The following SRGAP1 variants were observed in gnomAD, a reference collection of about 807,000 sequenced individuals.
The protein encoded by SRGAP1 is SLIT-ROBO Rho GTPase-activating protein 1.
SRGAP1 carries 43 observed loss-of-function variants against 121.9 expected under a neutral mutation model. That is an observed-to-expected ratio of 0.35 (90% confidence interval 0.28 to 0.46). The LOEUF (loss-of-function observed/expected upper bound fraction) is 0.46. Ranked by LOEUF, SRGAP1 falls within the 20% of genes least tolerant of loss-of-function variation. SRGAP1 has a pLI of 1.00. For synonymous variants in SRGAP1, 447 were observed against 485.4 expected, an observed-to-expected ratio of 0.92 and a Z score of 1.04; for missense variants, 1,102 against 1,350.9, an observed-to-expected ratio of 0.82 and a Z score of 2.89.
intron 1 of SRGAP1, among the ~76,000 whole-genome samples, chr12:63,959,544 A>G (rs1260115627): frequency 6.6e-6 from 1 of 152,192 alleles, no homozygotes; most frequent in Non-Finnish European, 1.5e-5. Context: ...ATTTGCTGAT[A>G]ACGTTTCTTT....
intron 7 of SRGAP1, among the ~76,000 whole-genome samples, chr12:64,064,102 A>G (rs2035497035): frequency 6.6e-6 from 1 of 152,086 alleles, no homozygotes; most frequent in South Asian, 2.1e-4. Flanking sequence ...TGCTGTTTTA[A>G]TTTTTCAGCT....
chr12:64,071,516 G>A (rs1306863869), intron 8 of SRGAP1, among the ~76,000 whole-genome samples: 1 of 152,204 alleles, frequency 6.6e-6, no homozygotes, highest in Non-Finnish European at 1.5e-5. Flanking sequence ...TCCACCGTAG[G>A]TGGAAATATA....
rs2034053085 is a variant in SRGAP1 at position 64,005,526 on chromosome 12, GT to G, written c.427-11423del. On this transcript the variant is annotated intron_variant, in intron 3 of 21. Coordinates refer to ENST00000355086, the MANE Select transcript of SRGAP1 (RefSeq NM_020762.4). Reference sequence around the variant, plus strand: ...CTGGGCATGGTGGTGTACATCTGTAGTCCCACCTACTTGGGAGGCAGAGGCA... The same window carrying G: ...CTGGGCATGGTGGTGTACATCTGTAGCCCACCTACTTGGGAGGCAGAGGCA... 3.9e-5 allele frequency among the ~76,000 whole-genome samples: 6 copies of G among 152,158 alleles called. No homozygotes were observed. In the South Asian group the frequency reaches 1.2e-3, roughly 32 times the overall value.
chr12:63,869,633 T>G (rs1441377843), intron 1 of SRGAP1, among the ~76,000 whole-genome samples: 1 of 152,252 alleles, frequency 6.6e-6, no homozygotes, highest in East Asian at 1.9e-4. Context: ...CACTATGTCA[T>G]TAAAGCCTTT....
chr12:63,921,733 T>A (rs1195327553), intron 1 of SRGAP1, among the ~76,000 whole-genome samples: 2 of 152,234 alleles, frequency 1.3e-5, no homozygotes, highest in Non-Finnish European at 1.5e-5. Context: ...TGATCTGTGA[T>A]CATGCCTGGT....
intron 1 of SRGAP1, among the ~76,000 whole-genome samples, chr12:63,875,444 T>C (rs1382682159): frequency 6.6e-6 from 1 of 152,220 alleles, no homozygotes; most frequent in East Asian, 1.9e-4. Flanking sequence ...AATGCTGAAA[T>C]GTATGTAAAC....
At chr12:64,032,518 C>G (rs1593062127) in intron 4 of SRGAP1, 6 of 1,209,354 alleles carry the variant, frequency 5.0e-6, no homozygotes. Context: ...TGGAGCAGGC[C>G]TGGGCCAGCA....
At chr12:63,977,240 T>C (rs955359506) in intron 1 of SRGAP1, among the ~76,000 whole-genome samples, 2 of 152,180 alleles carry the variant, frequency 1.3e-5, no homozygotes, top group Admixed American at 1.3e-4. Flanking sequence ...TTTCAGTGGC[T>C]CTCCCCTGTC....
chr12:63,990,116 C>T lies in SRGAP1; in HGVS notation c.426+44C>T, dbSNP rs1183943047. On this transcript the variant is annotated intron_variant, in intron 3 of 21. Transcript: ENST00000355086. ...GCCATAGTGTGCTTTCCAATAACTG[C>T]CTTGTCTATAACCAGGACTGAGAAC... 4.7e-6 allele frequency: 7 copies of T among 1,484,898 alleles called. No individual in the cohort carries two copies. In the East Asian group the frequency reaches 1.6e-4, roughly 34 times the overall value. 92.0% of individuals were successfully genotyped at this position (1,484,898 alleles called of 1,614,324 possible).
chr12:63,973,859 A>G (rs1017638057), intron 1 of SRGAP1, among the ~76,000 whole-genome samples: 2 of 152,186 alleles, frequency 1.3e-5, no homozygotes, highest in Admixed American at 1.3e-4. Flanking sequence ...ATGAAACTTC[A>G]TGTTGAATTG....
intron 12 of SRGAP1, among the ~76,000 whole-genome samples, chr12:64,094,348 T>G (rs1308226476): frequency 6.6e-6 from 1 of 152,238 alleles, no homozygotes; most frequent in East Asian, 1.9e-4. Flanking sequence ...AAATCTGCGA[T>G]ATACAGTTGT....
At chr12:63,900,249 A>G (rs1243080031) in intron 1 of SRGAP1, among the ~76,000 whole-genome samples, 1 of 119,390 alleles carries the variant, frequency 8.4e-6, no homozygotes, top group East Asian at 2.4e-4. Flanking sequence ...TCTTTCACCC[A>G]GGCTGGAGTG....
Position 64,062,993 on chromosome 12 carries a change from C to G in SRGAP1, c.878C>G (p.Thr293Ser). The G allele has an allele frequency of 6.2e-7, 1 of 1,614,004 alleles. No individual in the cohort carries two copies. The highest frequency in any genetic ancestry group is 1.3e-5 in the African/African-American group (1 of 75,022). ...CTGTCTGCGGAGTACAACCTTGAAA[C>G]CTCCAGACATGAGGGCTTAGACATT... ...TYLSAEYNLE[T>S]SRHEGLDIIE... The change falls in exon 7 of 22, where the codon ACC (threonine) becomes AGC (serine). Residue 293 changes from threonine to serine, a missense_variant. By Grantham distance (58) the Thr-to-Ser change is moderately conservative. Transcript: ENST00000355086.
intron 1 of SRGAP1, among the ~76,000 whole-genome samples, chr12:63,972,050 C>G (rs1411596798): frequency 6.6e-6 from 1 of 152,118 alleles, no homozygotes; most frequent in African/African-American, 2.4e-5. Context: ...CAATAGAAAT[C>G]CAATCAAAGT....
intron 1 of SRGAP1, among the ~76,000 whole-genome samples, chr12:63,873,533 CA>C (rs1337537568): frequency 2.4e-3 from 120 of 49,450 alleles, no homozygotes; most frequent in East Asian, 6.9e-3. Flanking sequence ...AAATCCGTCT[CA>C]AAAAAAAAAA....
intron 1 of SRGAP1, among the ~76,000 whole-genome samples, chr12:63,964,764 A>T (rs1298756132): frequency 1.3e-5 from 2 of 152,232 alleles, no homozygotes. Context: ...GACTAACTGT[A>T]TTAAAATGAT....
intron 1 of SRGAP1, among the ~76,000 whole-genome samples, chr12:63,940,855 A>C (rs1473780253): frequency 2.0e-5 from 3 of 152,210 alleles, no homozygotes; most frequent in Non-Finnish European, 4.4e-5. Context: ...CCTATGAATT[A>C]TGCATCATCG....
At chr12:64,085,831 A>C (rs1365877598) in intron 10 of SRGAP1, among the ~76,000 whole-genome samples, 1 of 152,216 alleles carries the variant, frequency 6.6e-6, no homozygotes, top group African/African-American at 2.4e-5. Context: ...CCTTCCCTTC[A>C]TCCCCACTTC....
chr12:63,993,247 T>A (rs979803556), intron 3 of SRGAP1, among the ~76,000 whole-genome samples: 4 of 152,216 alleles, frequency 2.6e-5, no homozygotes, highest in Non-Finnish European at 4.4e-5. Flanking sequence ...GCAATTTTTT[T>A]AATTTTTACA....
Sources: allele counts gnomAD v4.1 joint callset (sites outside exome capture counted in the v4.1 genomes callset), GRCh38; gene constraint gnomAD v4.1.1; transcripts MANE v1.5; gene names NCBI Gene and HGNC (gene_info 2026-07-23, HGNC 2026-07-21).